RPL39L: variants seen among roughly 807,000 people sequenced by gnomAD.
RPL39L encodes the protein ribosomal protein L39 like, also known as ribosomal protein eL39-like 2.
For synonymous variants in RPL39L, 16 were observed against 20.1 expected (o/e 0.80, Z 0.55); for missense variants, 48 against 58.9 (o/e 0.81, Z 0.61).
intron 1 of RPL39L, among the ~76,000 whole-genome samples, chr3:187,131,023 C>T (rs1024081161): frequency 3.3e-5 from 5 of 152,230 alleles, no homozygotes; most frequent in Non-Finnish European, 7.3e-5. Context: ...AGCATGTCCT[C>T]TTTCAGCTTT....
chr3:187,125,422 G>A (rs555767599), intron 2 of RPL39L, among the ~76,000 whole-genome samples: 1 of 152,258 alleles, frequency 6.6e-6, no homozygotes, highest in South Asian at 2.1e-4. Context: ...TGTCATGGCT[G>A]GAAAGCCTCT....
At chr3:187,139,088 A>AAACAAAC (rs1560203047) in intron 1 of RPL39L, 125 bp downstream of exon 1, 33 of 140,494 alleles carry the variant, frequency 2.3e-4, no homozygotes, top group African/African-American at 7.1e-4. Flanking sequence ...AACAAACAAA[A>AAACAAAC]ACGCTACTAC....
intron 1 of RPL39L, among the ~76,000 whole-genome samples, chr3:187,130,342 T>C (rs1720465583): frequency 6.6e-6 from 1 of 152,222 alleles, no homozygotes; most frequent in Non-Finnish European, 1.5e-5. Flanking sequence ...TGGATATTTG[T>C]CCCCACCCAA....
At chr3:187,129,278 T>C (rs1720448596) in intron 1 of RPL39L, among the ~76,000 whole-genome samples, 1 of 152,206 alleles carries the variant, frequency 6.6e-6, no homozygotes, top group Non-Finnish European at 1.5e-5. Flanking sequence ...ATACATCTCC[T>C]AGGCGGATTT....
chr3:187,135,970 G>A (rs889433676), intron 1 of RPL39L, among the ~76,000 whole-genome samples: 3 of 152,226 alleles, frequency 2.0e-5, no homozygotes, highest in African/African-American at 7.2e-5. Flanking sequence ...AACAGACTAA[G>A]AACTCTTTCC....
chr3:187,135,658 G>A (rs1280841837), intron 1 of RPL39L, among the ~76,000 whole-genome samples: 2 of 152,194 alleles, frequency 1.3e-5, no homozygotes, highest in Non-Finnish European at 2.9e-5. Context: ...CAGTGAATAG[G>A]CAAAACACAC....
At chr3:187,138,720 T>A (rs1248209615) in intron 1 of RPL39L, among the ~76,000 whole-genome samples, 3 of 152,126 alleles carry the variant, frequency 2.0e-5, no homozygotes, top group African/African-American at 7.2e-5. Flanking sequence ...GTCGATTTCC[T>A]CCTTCTCTAA....
In RPL39L at chr3:187,133,348, T is replaced by C. The variant is rs915646938; in HGVS notation, c.-92-5286A>G. Among the ~76,000 whole-genome samples, 4 of 152,064 alleles carry C rather than the reference T, an allele frequency of 2.6e-5. No homozygotes were observed. In the East Asian group the frequency reaches 7.7e-4, roughly 29 times the overall value. On this transcript the variant is annotated intron_variant, in intron 1 of 2. Transcript: ENST00000296277. ...TGACAGTGAGGGAGTTCTCATGAGA[T>C]CTGATGGTTTAAAAGTGGCACTTCC...
intron 2 of RPL39L, among the ~76,000 whole-genome samples, chr3:187,123,813 G>A (rs997786792): frequency 1.4e-4 from 22 of 152,224 alleles, no homozygotes; most frequent in African/African-American, 4.6e-4. Flanking sequence ...CATTTCCAAT[G>A]AAGAGGATGA....
intron 1 of RPL39L, among the ~76,000 whole-genome samples, chr3:187,133,345 A>G (rs1720517710): frequency 6.6e-6 from 1 of 152,038 alleles, no homozygotes; most frequent in Non-Finnish European, 1.5e-5. Context: ...AGTTCTCATG[A>G]GATCTGATGG....
chr3:187,135,785 G>A (rs988671234), intron 1 of RPL39L, among the ~76,000 whole-genome samples: 6 of 152,240 alleles, frequency 3.9e-5, no homozygotes, highest in East Asian at 1.9e-4. Context: ...AACTTATAAC[G>A]AGTTTTATTT....
At chr3:187,135,999 G>C (rs1406970656) in intron 1 of RPL39L, among the ~76,000 whole-genome samples, 1 of 152,202 alleles carries the variant, frequency 6.6e-6, no homozygotes, top group African/African-American at 2.4e-5. Context: ...AGAGGCTCTA[G>C]GAGGACTGGA....
chr3:187,132,216 T>C (rs1174810422), intron 1 of RPL39L, among the ~76,000 whole-genome samples: 7 of 152,254 alleles, frequency 4.6e-5, no homozygotes, highest in African/African-American at 1.4e-4. Flanking sequence ...AGCAAGATTA[T>C]ACATGCATGT....
rs149421741 is a variant in RPL39L, at chr3:187,130,274, A to G, written c.-92-2212T>C. ...GCAAAGTTCTTTGTACTTTCCATTCATTGGTTTTATTCTCTGACGTATTAA... is the reference window on the plus strand; with the variant it reads ...GCAAAGTTCTTTGTACTTTCCATTCGTTGGTTTTATTCTCTGACGTATTAA... On this transcript the variant is annotated intron_variant, in intron 1 of 2. Transcript: ENST00000296277. Among the ~76,000 whole-genome samples, 875 of 152,278 alleles carry G rather than the reference A, an allele frequency of 5.7e-3. 8 individuals carry two copies. The highest frequency in any genetic ancestry group is 0.018 in the African/African-American group (756 of 41,546).
intron 1 of RPL39L, among the ~76,000 whole-genome samples, chr3:187,131,128 G>C (rs1720477332): frequency 6.6e-6 from 1 of 152,260 alleles, no homozygotes; most frequent in Non-Finnish European, 1.5e-5. Context: ...ACATCATCCT[G>C]CAAGTTGAAA....
chr3:187,132,811 C>T (rs1720508547), intron 1 of RPL39L, among the ~76,000 whole-genome samples: 1 of 152,170 alleles, frequency 6.6e-6, no homozygotes, highest in Non-Finnish European at 1.5e-5. Context: ...AGTATGAGAA[C>T]TAAAAGTCCC....
At chr3:187,136,051 T>C (rs1720573915) in intron 1 of RPL39L, among the ~76,000 whole-genome samples, 1 of 152,240 alleles carries the variant, frequency 6.6e-6, no homozygotes, top group African/African-American at 2.4e-5. Flanking sequence ...AGCTAACATC[T>C]TCCCTCATCA....
intron 1 of RPL39L, among the ~76,000 whole-genome samples, chr3:187,129,509 A>C (rs1720451969): frequency 6.6e-6 from 1 of 152,194 alleles, no homozygotes; most frequent in African/African-American, 2.4e-5. Context: ...CATTGACAAC[A>C]ATACCTTAAG....
At chr3:187,123,182 T>G (rs1434274722) in intron 2 of RPL39L, among the ~76,000 whole-genome samples, 1 of 152,186 alleles carries the variant, frequency 6.6e-6, no homozygotes, top group Non-Finnish European at 1.5e-5. Flanking sequence ...ATCTTCCCAC[T>G]GGGAACTTTC....
Sources: allele counts gnomAD v4.1 joint callset (sites outside exome capture counted in the v4.1 genomes callset), GRCh38; gene constraint gnomAD v4.1.1; transcripts MANE v1.5; gene names NCBI Gene and HGNC (gene_info 2026-07-23, HGNC 2026-07-21).